KIAA0319L: variants seen among roughly 807,000 people sequenced by gnomAD.
KIAA0319L encodes the protein KIAA0319 like.
In KIAA0319L, 55 loss-of-function variants were observed where a neutral mutation model predicts 120.1. The observed-to-expected ratio is 0.46, with a 90% CI of 0.37 to 0.57. KIAA0319L has a LOEUF of 0.57. Ranked by LOEUF, KIAA0319L falls within the 20% of genes least tolerant of loss-of-function variation. The pLI, the probability that KIAA0319L is intolerant of heterozygous loss-of-function variation, is 0.00. For synonymous variants in KIAA0319L, 398 were observed against 471.9 expected, an observed-to-expected ratio of 0.84 and a Z score of 2.03; for missense variants, 1,049 against 1,255.3, an observed-to-expected ratio of 0.84 and a Z score of 2.48.
At chr1:35,482,772 T>G (rs1245484474) in intron 3 of KIAA0319L, among the ~76,000 whole-genome samples, 1 of 152,164 alleles carries the variant, frequency 6.6e-6, no homozygotes, top group African/African-American at 2.4e-5. Flanking sequence ...TTCTCTTAGG[T>G]AAATACTTAT....
intron 2 of KIAA0319L, among the ~76,000 whole-genome samples, chr1:35,525,370 T>C (rs1028084293): frequency 3.3e-5 from 5 of 152,336 alleles, no homozygotes; most frequent in Non-Finnish European, 7.3e-5. Flanking sequence ...TACCCAGTAG[T>C]GGGACTGCTG....
chr1:35,489,567 A>AC, intron 3 of KIAA0319L, among the ~76,000 whole-genome samples: 1 of 151,866 alleles, frequency 6.6e-6, no homozygotes, highest in Non-Finnish European at 1.5e-5. Flanking sequence ...TTTGAAGGAG[A>AC]CCCCCTTAAG....
rs371393118 is a variant in KIAA0319L at position 35,487,202 on chromosome 1, T to C, written c.667-7990A>G. Among the ~76,000 whole-genome samples the C allele has an allele frequency of 3.0e-4, 45 of 152,310 alleles. No homozygotes were observed. In the East Asian group the frequency reaches 5.4e-3, roughly 18 times the overall value. ...CAAATAACCTCCCTGGACTGAACTG[T>C]AGACTTTGCTCCTTACAGTGTTCAA... On this transcript the variant is annotated intron_variant, in intron 3 of 20. Transcript: ENST00000325722.
At chr1:35,495,240 G>A (rs550412081) in intron 3 of KIAA0319L, among the ~76,000 whole-genome samples, 264 of 152,240 alleles carry the variant, frequency 1.7e-3, no homozygotes, top group African/African-American at 6.0e-3. Context: ...AGGCGTGGTG[G>A]TGCACACCTG....
intron 2 of KIAA0319L, among the ~76,000 whole-genome samples, chr1:35,538,428 T>C (rs1646665275): frequency 6.6e-6 from 1 of 151,628 alleles, no homozygotes; most frequent in South Asian, 2.1e-4. Flanking sequence ...CCATCTCTAC[T>C]ATAAATACAA....
chr1:35,455,043 T>A (rs2149096004), intron 10 of KIAA0319L, among the ~76,000 whole-genome samples: 1 of 152,302 alleles, frequency 6.6e-6, no homozygotes, highest in South Asian at 2.1e-4. Flanking sequence ...GCCTTAAAAC[T>A]GAGAAATATA....
rs146361502 is a variant in KIAA0319L, at chr1:35,469,001, T to A, written c.1113+1862A>T. ...TGTACAAAATAATCGGCACTGGGTATGGCACATGGTATGAATTCAATAGGT... is the reference window on the plus strand; with the variant it reads ...TGTACAAAATAATCGGCACTGGGTAAGGCACATGGTATGAATTCAATAGGT... On this transcript the variant is annotated intron_variant, in intron 6 of 20. Coordinates refer to ENST00000325722, the MANE Select transcript of KIAA0319L (RefSeq NM_024874.5). Among the ~76,000 whole-genome samples, 749 of 152,326 alleles carry A rather than the reference T, an allele frequency of 4.9e-3. 2 individuals are homozygous for A. Among genetic ancestry groups the A allele is most frequent in the Middle Eastern group, 0.024 (7 of 294 alleles).
In KIAA0319L at chr1:35,434,834, A is replaced by T; in HGVS notation, c.*60T>A. 6.9e-7 allele frequency: 1 copy of T among 1,449,426 alleles called. No homozygotes were observed. Among genetic ancestry groups the T allele is most frequent in the Admixed American group, 2.0e-5 (1 of 49,738 alleles). 89.8% of individuals were successfully genotyped at this position (1,449,426 alleles called of 1,614,324 possible). A position where few individuals can be genotyped will look rare whatever the true frequency, so the allele number is the denominator to read the frequency against. On this transcript the variant is annotated 3_prime_UTR_variant, in exon 21 of 21. Transcript: ENST00000325722. The stretch of plus-strand genomic sequence containing the variant: ...GACAGCAGCTGCCCGCAGACTCGGG[A>T]GGTAGGAGGACTGGCCGGGCAGTGT...
chr1:35,448,068 A>G lies in KIAA0319L; in HGVS notation c.2513+105T>C, dbSNP rs76701645. On this transcript the variant is annotated intron_variant, in intron 16 of 20. Transcript: ENST00000325722. ...AAAGGCAACATGAGTGTTTCTGGTC[A>G]GAAAGCCCACCTTTCTCTATCTAAC... The G allele has an allele frequency of 2.1e-3, 2,342 of 1,141,294 alleles. 33 individuals are homozygous for G. In the African/African-American group the frequency reaches 0.033, roughly 16 times the overall value. The allele number at this position is 1,141,294 out of a possible 1,614,324, so 70.7% of individuals were successfully genotyped here.
At chr1:35,459,618 G>A (rs555035239) in intron 9 of KIAA0319L, among the ~76,000 whole-genome samples, 27 of 151,792 alleles carry the variant, frequency 1.8e-4, no homozygotes, top group African/African-American at 6.5e-4. Flanking sequence ...AAGAAAATGT[G>A]CATTTAAGTT....
At chr1:35,447,547 A>G (rs1051573299) in intron 16 of KIAA0319L, among the ~76,000 whole-genome samples, 2 of 151,036 alleles carry the variant, frequency 1.3e-5, no homozygotes, top group Non-Finnish European at 3.0e-5. Context: ...CCTGGTCAAT[A>G]TAAGTTTCCT....
intron 9 of KIAA0319L, among the ~76,000 whole-genome samples, chr1:35,457,190 T>C (rs1293248457): frequency 6.7e-6 from 1 of 150,270 alleles, no homozygotes; most frequent in African/African-American, 2.5e-5. Flanking sequence ...CCAAGGGCTA[T>C]ATAGTGAGCC....
At position 35,450,012 on chromosome 1, in the gene KIAA0319L, G is replaced by T. The variant is rs1323851802; in HGVS notation, c.2215-7C>A. The T allele has an allele frequency of 6.2e-7, 1 of 1,613,870 alleles. No homozygotes were observed. Among genetic ancestry groups the T allele is most frequent in the Non-Finnish European group, 8.5e-7 (1 of 1,179,928 alleles). The stretch of plus-strand genomic sequence containing the variant: ...CAGAGTGATTTAACACCTCCTGTAG[G>T]GTTGAACAACATGGCTATGTTACAG... On this transcript the variant is annotated splice_region_variant and splice_polypyrimidine_tract_variant and intron_variant, in intron 14 of 20. Coordinates refer to ENST00000325722, the MANE Select transcript of KIAA0319L (RefSeq NM_024874.5).
intron 3 of KIAA0319L, among the ~76,000 whole-genome samples, chr1:35,504,625 T>G (rs1286989819): frequency 6.6e-6 from 1 of 152,216 alleles, no homozygotes; most frequent in Non-Finnish European, 1.5e-5. Flanking sequence ...AGTAGCTACA[T>G]TCTGGGGGAT....
chr1:35,538,833 C>G (rs910795583), intron 2 of KIAA0319L, among the ~76,000 whole-genome samples: 1 of 151,590 alleles, frequency 6.6e-6, no homozygotes, highest in Non-Finnish European at 1.5e-5. Flanking sequence ...TTTTCTTATA[C>G]CTCCATTTTC....
intron 20 of KIAA0319L, 89 bp from the exon 21 acceptor site, chr1:35,435,170 G>A: frequency 3.3e-6 from 4 of 1,201,278 alleles, no homozygotes; most frequent in Non-Finnish European, 1.2e-6. Context: ...AGGAGCCAAG[G>A]AACAGGGCAA....
intron 2 of KIAA0319L, among the ~76,000 whole-genome samples, chr1:35,518,597 A>G (rs986517640): frequency 4.6e-5 from 7 of 152,132 alleles, no homozygotes; most frequent in African/African-American, 1.7e-4. Context: ...AAAAATAACT[A>G]TTGGGTACTA....
At chr1:35,522,361 C>A (rs79105071) in intron 2 of KIAA0319L, among the ~76,000 whole-genome samples, 3 of 151,826 alleles carry the variant, frequency 2.0e-5, no homozygotes, top group African/African-American at 7.2e-5. Flanking sequence ...CTCACTGCAA[C>A]CTCCGCCTCC....
At chr1:35,455,788 C>A (rs1173332945) in intron 10 of KIAA0319L, among the ~76,000 whole-genome samples, 1 of 151,802 alleles carries the variant, frequency 6.6e-6, no homozygotes, top group African/African-American at 2.4e-5. Context: ...ACAATGTTGG[C>A]CAGGCTGGTC....
Sources: allele counts gnomAD v4.1 joint callset (sites outside exome capture counted in the v4.1 genomes callset), GRCh38; gene constraint gnomAD v4.1.1; transcripts MANE v1.5; gene names NCBI Gene and HGNC (gene_info 2026-07-23, HGNC 2026-07-21).